The following HCN1 variants were observed in gnomAD, a reference collection of about 807,000 sequenced individuals.
HCN1 encodes the protein hyperpolarization activated cyclic nucleotide gated potassium channel 1, also known as potassium/sodium hyperpolarization-activated cyclic nucleotide-gated channel 1.
A neutral mutation model predicts 78.9 loss-of-function variants in HCN1; 13 were observed. The observed-to-expected ratio is 0.16, with a 90% CI of 0.11 to 0.26. HCN1 has a LOEUF of 0.26. Among genes scored for constraint, HCN1 ranks in the 10% least tolerant of loss-of-function variants. HCN1 has a pLI of 1.00. For missense variants in HCN1, 810 were observed against 1,154.3 expected (o/e 0.70, Z 4.32); for synonymous variants, 552 against 455.5 (o/e 1.21, Z -2.70).
chr5:45,679,054 T>G (rs754675790), intron 1 of HCN1, among the ~76,000 whole-genome samples: 3 of 151,882 alleles, frequency 2.0e-5, no homozygotes, highest in Non-Finnish European at 2.9e-5. Flanking sequence ...TTCCTAAAAG[T>G]GTATAAATTT....
At chr5:45,644,790 A>T (rs996821550) in intron 2 of HCN1, 2 of 202,366 alleles carry the variant, frequency 9.9e-6, no homozygotes, top group Non-Finnish European at 2.0e-5. Flanking sequence ...ACACTATCTC[A>T]CAGAGCTAAT....
chr5:45,420,522 T>G (rs1740205708), intron 3 of HCN1, among the ~76,000 whole-genome samples: 1 of 152,022 alleles, frequency 6.6e-6, no homozygotes, highest in Non-Finnish European at 1.5e-5. Context: ...ATAGTTAGGG[T>G]GGGGAGGTCT....
At chr5:45,502,457 T>C (rs772801550) in intron 2 of HCN1, among the ~76,000 whole-genome samples, 29 of 152,166 alleles carry the variant, frequency 1.9e-4, no homozygotes, top group Admixed American at 3.9e-4. Context: ...GAATTCCAAC[T>C]ATTGGGATCC....
intron 1 of HCN1, among the ~76,000 whole-genome samples, chr5:45,681,288 T>C (rs958522899): frequency 6.6e-6 from 1 of 152,130 alleles, no homozygotes; most frequent in Non-Finnish European, 1.5e-5. Flanking sequence ...ATAGTTTTCC[T>C]GTAAAGTTGC....
intron 1 of HCN1, among the ~76,000 whole-genome samples, chr5:45,668,958 G>T (rs1746101460): frequency 6.6e-6 from 1 of 151,786 alleles, no homozygotes; most frequent in Admixed American, 6.6e-5. Flanking sequence ...CAGTACTATG[G>T]CATAGTTGAA....
intron 2 of HCN1, among the ~76,000 whole-genome samples, chr5:45,569,819 T>TATC (rs956355564): frequency 3.3e-5 from 5 of 151,886 alleles, no homozygotes; most frequent in Non-Finnish European, 5.9e-5. Context: ...GCATCATTAT[T>TATC]ATCATCATCA....
intron 2 of HCN1, among the ~76,000 whole-genome samples, chr5:45,526,787 C>G (rs1211832903): frequency 2.0e-5 from 3 of 151,988 alleles, no homozygotes; most frequent in Non-Finnish European, 4.4e-5. Flanking sequence ...AGATACTTAT[C>G]CTCATATTGT....
intron 3 of HCN1, among the ~76,000 whole-genome samples, chr5:45,399,853 A>G (rs1739757696): frequency 6.6e-6 from 1 of 152,184 alleles, no homozygotes. Context: ...AAAGTAAAAA[A>G]TAAGATTTAA....
intron 4 of HCN1, among the ~76,000 whole-genome samples, chr5:45,391,622 C>T (rs1739561955): frequency 1.3e-5 from 2 of 152,188 alleles, no homozygotes; most frequent in South Asian, 4.1e-4. Flanking sequence ...AGAGGAGGCT[C>T]CATCATCTCC....
intron 5 of HCN1, among the ~76,000 whole-genome samples, chr5:45,305,914 A>C (rs2111908600): frequency 6.6e-6 from 1 of 152,092 alleles, no homozygotes; most frequent in African/African-American, 2.4e-5. Context: ...GTAAAAAAGT[A>C]CTCATAAAGA....
intron 2 of HCN1, among the ~76,000 whole-genome samples, chr5:45,590,767 G>A (rs1744344022): frequency 2.6e-5 from 4 of 152,118 alleles, no homozygotes; most frequent in Non-Finnish European, 1.5e-5. Context: ...CTTTCACTAA[G>A]TAATATGCAT....
chr5:45,557,002 T>A (rs982510498), intron 2 of HCN1, among the ~76,000 whole-genome samples: 9 of 152,114 alleles, frequency 5.9e-5, no homozygotes, highest in Middle Eastern at 3.4e-3. Context: ...AAATTTCGAT[T>A]TCCGTTCTCT....
At chr5:45,264,674 T>C (rs536837263) in intron 7 of HCN1, among the ~76,000 whole-genome samples, 1 of 152,170 alleles carries the variant, frequency 6.6e-6, no homozygotes, top group Non-Finnish European at 1.5e-5. Flanking sequence ...GCAGCATACA[T>C]CTATATGCAA....
chr5:45,604,454 T>C (rs1282018982), intron 2 of HCN1, among the ~76,000 whole-genome samples: 3 of 151,860 alleles, frequency 2.0e-5, no homozygotes, highest in Non-Finnish European at 4.4e-5. Context: ...ACTAAAAAGG[T>C]CTTACTAATA....
intron 3 of HCN1, among the ~76,000 whole-genome samples, chr5:45,445,469 A>G (rs1199733584): frequency 2.0e-5 from 3 of 152,294 alleles, no homozygotes; most frequent in East Asian, 3.9e-4. Context: ...GCACAGACAA[A>G]CAAAAAGACA....
At chr5:45,626,466 A>T (rs564786556) in intron 2 of HCN1, among the ~76,000 whole-genome samples, 1 of 152,254 alleles carries the variant, frequency 6.6e-6, no homozygotes, top group East Asian at 1.9e-4. Flanking sequence ...CCTACTAGAG[A>T]CAGAGTAGCA....
intron 4 of HCN1, among the ~76,000 whole-genome samples, chr5:45,372,269 AT>A (rs377360931): frequency 0.023 from 2,039 of 86,832 alleles, 69 homozygotes; most frequent in East Asian, 0.087. Flanking sequence ...TTATATATAT[AT>A]TTATATATAT....
chr5:45,312,663 C>T (rs139539685), intron 5 of HCN1, among the ~76,000 whole-genome samples: 1,657 of 152,320 alleles, frequency 0.011, 29 homozygotes, highest in African/African-American at 0.038. Context: ...GGGTCACTCC[C>T]ACCCTAATAC....
chr5:45,405,739 G>A (rs541973223), intron 3 of HCN1, among the ~76,000 whole-genome samples: 24 of 152,052 alleles, frequency 1.6e-4, no homozygotes, highest in Non-Finnish European at 2.5e-4. Flanking sequence ...TATGATCTGC[G>A]TAAAAAACGT....
Sources: allele counts gnomAD v4.1 joint callset (sites outside exome capture counted in the v4.1 genomes callset), GRCh38; gene constraint gnomAD v4.1.1; transcripts MANE v1.5; gene names NCBI Gene and HGNC (gene_info 2026-07-23, HGNC 2026-07-21).